Variants in PDE10A observed in about 807,000 individuals in gnomAD.
The protein encoded by PDE10A is cAMP and cAMP-inhibited cGMP 3',5'-cyclic phosphodiesterase 10A.
Under a neutral mutation model 97.7 loss-of-function variants are expected in PDE10A, and 39 were observed. That is an observed-to-expected ratio of 0.40 (90% CI 0.31 to 0.52). PDE10A has a LOEUF of 0.52. Ranked by LOEUF, PDE10A falls within the 20% of genes least tolerant of loss-of-function variation. The probability of loss-of-function intolerance (pLI) is 0.56; values close to 1 mark genes in which losing one functional copy is unlikely to be tolerated. For missense variants in PDE10A, 731 were observed against 1,047.8 expected, an observed-to-expected ratio of 0.70 and a Z score of 4.17; for synonymous variants, 371 against 376.8, an observed-to-expected ratio of 0.98 and a Z score of 0.18.
At chr6:165,623,188 C>T (rs1043506386) in intron 1 of PDE10A, among the ~76,000 whole-genome samples, 5 of 152,186 alleles carry the variant, frequency 3.3e-5, no homozygotes, top group Non-Finnish European at 5.9e-5. Context: ...TGGAGTGGCA[C>T]GATCTCAGCT....
chr6:165,349,837 C>T (rs1782579510), intron 18 of PDE10A, among the ~76,000 whole-genome samples: 1 of 152,182 alleles, frequency 6.6e-6, no homozygotes, highest in African/African-American at 2.4e-5. Context: ...TGGGTGCAAG[C>T]CCCAAGCCTT....
intron 2 of PDE10A, among the ~76,000 whole-genome samples, chr6:165,523,130 G>A (rs1159518196): frequency 6.6e-6 from 1 of 151,962 alleles, no homozygotes; most frequent in Admixed American, 6.6e-5. Context: ...ACATAACACA[G>A]AGAAACTGAA....
At chr6:165,669,144 T>C (rs28360654) in intron 1 of PDE10A, among the ~76,000 whole-genome samples, 60,514 of 152,084 alleles carry the variant, frequency 0.4, 12,872 homozygotes, top group Non-Finnish European at 0.46. Flanking sequence ...CTTGGTATAT[T>C]AAATCTTTTG....
intron 1 of PDE10A, among the ~76,000 whole-genome samples, chr6:165,879,921 C>A (rs963609373): frequency 3.4e-5 from 2 of 57,982 alleles, no homozygotes; most frequent in East Asian, 5.3e-3. Flanking sequence ...GATATGAATT[C>A]TCGGGGGGGG....
chr6:165,384,647 T>A lies in PDE10A; in HGVS notation c.2610+3651A>T, dbSNP rs1562406344. ...GTGTGAGTGAGTGTGTGTGTGTGTGTGTGTGTGTGTGTGTGTGTGTGTATG... is the reference window on the plus strand; with the variant it reads ...GTGTGAGTGAGTGTGTGTGTGTGTGAGTGTGTGTGTGTGTGTGTGTGTATG... On this transcript the variant is annotated intron_variant, in intron 17 of 21. Transcript: ENST00000539869. 1.8e-3 allele frequency among the ~76,000 whole-genome samples: 104 copies of A among 56,850 alleles called. 5 individuals carry two copies. Among genetic ancestry groups the A allele is most frequent in the African/African-American group, 8.5e-3 (96 of 11,336 alleles). 37.3% of individuals were successfully genotyped at this position (56,850 alleles called of 152,430 possible). A position where few individuals can be genotyped will look rare whatever the true frequency, so the allele number is the denominator to read the frequency against.
At position 165,466,287 on chromosome 6, in the gene PDE10A, G is replaced by A. The variant is rs548342971; in HGVS notation, c.1024-15925C>T. Reference sequence around the variant, plus strand: ...GAAAAGGGATCCTTGAGATAAAATAGTATTAAATCACTGACTGATACAGCA... The same window carrying A: ...GAAAAGGGATCCTTGAGATAAAATAATATTAAATCACTGACTGATACAGCA... On this transcript the variant is annotated intron_variant, in intron 3 of 21. Coordinates refer to ENST00000539869, the MANE Select transcript of PDE10A (RefSeq NM_001385079.1). 4.6e-5 allele frequency among the ~76,000 whole-genome samples: 7 copies of A among 152,316 alleles called. No homozygotes were observed. In the South Asian group the frequency reaches 1.2e-3, roughly 27 times the overall value.
At chr6:165,462,032 A>G (rs1193391373) in intron 3 of PDE10A, among the ~76,000 whole-genome samples, 2 of 152,234 alleles carry the variant, frequency 1.3e-5, no homozygotes, top group Non-Finnish European at 2.9e-5. Context: ...CAATCAGGAG[A>G]GTCTTCTGCC....
At chr6:165,791,859 C>A (rs1263414146) in intron 1 of PDE10A, among the ~76,000 whole-genome samples, 1 of 152,230 alleles carries the variant, frequency 6.6e-6, no homozygotes, top group Non-Finnish European at 1.5e-5. Context: ...TCCAATGATA[C>A]ACATTTTTAG....
At chr6:165,570,056 C>G (rs1176466112) in intron 1 of PDE10A, among the ~76,000 whole-genome samples, 1 of 152,126 alleles carries the variant, frequency 6.6e-6, no homozygotes, top group Admixed American at 6.5e-5. Flanking sequence ...GAAGTCCTAA[C>G]CCCCAGTACC....
At chr6:165,889,385 C>T (rs79623227) in intron 1 of PDE10A, among the ~76,000 whole-genome samples, 5,568 of 152,314 alleles carry the variant, frequency 0.037, 122 homozygotes, top group South Asian at 0.12. Flanking sequence ...ATATGCAACA[C>T]CTCCCTAAGC....
chr6:165,346,827 T>A (rs1173732596), intron 18 of PDE10A, among the ~76,000 whole-genome samples: 4 of 152,134 alleles, frequency 2.6e-5, no homozygotes, highest in Non-Finnish European at 4.4e-5. Flanking sequence ...TTGAAATTTC[T>A]TTTGAATTTC....
chr6:165,974,698 C>T (rs1784798719), intron 1 of PDE10A, among the ~76,000 whole-genome samples: 1 of 152,176 alleles, frequency 6.6e-6, no homozygotes, highest in Non-Finnish European at 1.5e-5. Flanking sequence ...TTCTCTGGGA[C>T]CACAGTATGC....
At chr6:165,619,669 G>GTAGTC (rs1788021232) in intron 1 of PDE10A, among the ~76,000 whole-genome samples, 1 of 135,240 alleles carries the variant, frequency 7.4e-6, no homozygotes, top group Admixed American at 7.0e-5. Flanking sequence ...ATAGTCTAGT[G>GTAGTC]TAGTGTAGTC....
intron 1 of PDE10A, among the ~76,000 whole-genome samples, chr6:165,938,280 C>G (rs972709233): frequency 2.0e-5 from 3 of 152,216 alleles, no homozygotes; most frequent in South Asian, 2.1e-4. Flanking sequence ...CTTCACAAAG[C>G]TGTAGCGTGG....
chr6:165,332,858 AG>A lies in PDE10A; in HGVS notation c.*166del. The stretch of plus-strand genomic sequence containing the variant: ...ATGATGCCTCACAGAAGAGATTGGC[AG>A]GAAGTCCTCTGCTTGACTTATTTAT... On this transcript the variant is annotated 3_prime_UTR_variant, in exon 22 of 22. Coordinates refer to ENST00000539869, the MANE Select transcript of PDE10A (RefSeq NM_001385079.1). 1 of 596,648 alleles carries A rather than the reference AG, an allele frequency of 1.7e-6. No homozygotes were observed. The highest frequency in any genetic ancestry group is 3.0e-6 in the Non-Finnish European group (1 of 334,936). The allele number at this position is 596,648 out of a possible 1,614,324, so 37.0% of individuals were successfully genotyped here.
intron 1 of PDE10A, among the ~76,000 whole-genome samples, chr6:165,633,683 G>A (rs1254384287): frequency 1.3e-5 from 2 of 151,898 alleles, no homozygotes; most frequent in Admixed American, 6.6e-5. Flanking sequence ...GCTGGAGTGC[G>A]GTGGCACGAT....
chr6:165,844,448 T>A (rs1176295001), intron 1 of PDE10A, among the ~76,000 whole-genome samples: 1 of 152,222 alleles, frequency 6.6e-6, no homozygotes, highest in Non-Finnish European at 1.5e-5. Flanking sequence ...TGAAATTTAA[T>A]AGGGAGCACC....
intron 1 of PDE10A, among the ~76,000 whole-genome samples, chr6:165,601,050 G>A (rs1352927874): frequency 6.6e-6 from 1 of 152,206 alleles, no homozygotes; most frequent in Non-Finnish European, 1.5e-5. Context: ...GTTTGTGGGT[G>A]GGACCCAGGG....
At chr6:165,837,352 T>C (rs951397496) in intron 1 of PDE10A, among the ~76,000 whole-genome samples, 1 of 152,230 alleles carries the variant, frequency 6.6e-6, no homozygotes. Flanking sequence ...GGTATAGCCA[T>C]GTATGGCCGC....
Sources: gnomAD v4.1 joint callset for allele counts (sites outside exome capture counted in the v4.1 genomes callset) on GRCh38, gnomAD v4.1.1 for gene constraint, MANE v1.5 for transcripts, NCBI Gene and HGNC (gene_info 2026-07-23, HGNC 2026-07-21) for gene names.